Variants in CSMD1 observed in about 807,000 individuals in gnomAD.
The protein encoded by CSMD1 is CUB and Sushi multiple domains 1.
A neutral mutation model predicts 417.5 loss-of-function variants in CSMD1; 213 were observed. That is an observed-to-expected ratio of 0.51 (90% CI 0.46 to 0.57). CSMD1 has a LOEUF of 0.57. Among genes scored for constraint, CSMD1 ranks in the 20% least tolerant of loss-of-function variants. CSMD1 has a pLI of 0.00. For synonymous variants in CSMD1, 2,862 were observed against 1,736.8 expected, an observed-to-expected ratio of 1.65 and a Z score of -16.11; for missense variants, 6,923 against 4,529.7, an observed-to-expected ratio of 1.53 and a Z score of -15.17.
chr8:4,479,061 T>C (rs1484269658), intron 2 of CSMD1, among the ~76,000 whole-genome samples: 1 of 152,168 alleles, frequency 6.6e-6, no homozygotes. Flanking sequence ...CTCAATGCTA[T>C]TCAAATGTTT....
chr8:4,760,004 G>A (rs552986773), intron 1 of CSMD1, among the ~76,000 whole-genome samples: 2 of 152,146 alleles, frequency 1.3e-5, no homozygotes, highest in African/African-American at 4.8e-5. Flanking sequence ...TTCCACAATG[G>A]TTGAACTAAT....
chr8:3,168,760 A>AT (rs1490103594), intron 37 of CSMD1, among the ~76,000 whole-genome samples: 1 of 152,132 alleles, frequency 6.6e-6, no homozygotes, highest in Non-Finnish European at 1.5e-5. Flanking sequence ...AGGTAAAAAG[A>AT]TTTTGTCTCA....
intron 1 of CSMD1, among the ~76,000 whole-genome samples, chr8:4,901,623 C>A (rs959608265): frequency 5.9e-5 from 9 of 152,178 alleles, no homozygotes; most frequent in South Asian, 2.1e-4. Flanking sequence ...CCCCATACTT[C>A]ATTTTTAATT....
chr8:4,275,335 T>C (rs375157109), intron 3 of CSMD1, among the ~76,000 whole-genome samples: 4 of 152,204 alleles, frequency 2.6e-5, no homozygotes, highest in East Asian at 3.8e-4. Context: ...TTCTGTGTTG[T>C]GTATTTGTTG....
intron 10 of CSMD1, among the ~76,000 whole-genome samples, chr8:3,520,039 T>TATATATATATATACACAC (rs545212684): frequency 6.8e-6 from 1 of 147,110 alleles, no homozygotes; most frequent in African/African-American, 2.6e-5. Context: ...TATATATATA[T>TATATATATATATACACAC]ACACGTATAG....
chr8:4,005,846 C>T (rs1816068559), intron 4 of CSMD1, among the ~76,000 whole-genome samples: 1 of 152,202 alleles, frequency 6.6e-6, no homozygotes, highest in South Asian at 2.1e-4. Flanking sequence ...TAAGCACTGT[C>T]TTTTAATTCC....
In CSMD1 at chr8:3,412,141, CAT is replaced by C. The variant is rs759623128; in HGVS notation, c.1562-2538_1562-2537del. ...ATACACACGTATATATACATATATA[CAT>C]ATATATACACACGTATATATACATA... On this transcript the variant is annotated intron_variant, in intron 12 of 69. Transcript: ENST00000635120. Among the ~76,000 whole-genome samples, 89 of 130,668 alleles carry C rather than the reference CAT, an allele frequency of 6.8e-4. 2 individuals carry two copies. The highest frequency in any genetic ancestry group is 1.3e-3 in the East Asian group (5 of 3,914). 85.7% of individuals were successfully genotyped at this position (130,668 alleles called of 152,430 possible).
chr8:3,920,058 G>A (rs757044544), intron 5 of CSMD1, among the ~76,000 whole-genome samples: 5 of 151,254 alleles, frequency 3.3e-5, no homozygotes, highest in Non-Finnish European at 5.9e-5. Flanking sequence ...CCCAAGACAA[G>A]ATCTCACTCC....
intron 2 of CSMD1, among the ~76,000 whole-genome samples, chr8:4,441,713 G>A (rs184863625): frequency 1.6e-4 from 25 of 152,092 alleles, no homozygotes; most frequent in African/African-American, 4.8e-4. Flanking sequence ...AACGTTTGAG[G>A]TACAGGAGAT....
chr8:4,352,169 A>G (rs1315214509), intron 3 of CSMD1, among the ~76,000 whole-genome samples: 1 of 152,174 alleles, frequency 6.6e-6, no homozygotes, highest in Non-Finnish European at 1.5e-5. Flanking sequence ...TATTAAGTCC[A>G]CTTAGGTTCT....
chr8:3,287,139 T>C (rs199864841), intron 25 of CSMD1, among the ~76,000 whole-genome samples: 10 of 150,384 alleles, frequency 6.6e-5, no homozygotes, highest in Admixed American at 6.1e-4. Flanking sequence ...GTTGTAGATA[T>C]GCAGCATTAT....
intron 1 of CSMD1, among the ~76,000 whole-genome samples, chr8:4,847,764 C>T (rs993584033): frequency 1.3e-5 from 2 of 149,226 alleles, no homozygotes; most frequent in East Asian, 1.9e-4. Flanking sequence ...CTATAGAATT[C>T]CTCTCTATCG....
At chr8:2,982,759 T>C (rs1181161138) in intron 54 of CSMD1, among the ~76,000 whole-genome samples, 1 of 152,216 alleles carries the variant, frequency 6.6e-6, no homozygotes, top group Non-Finnish European at 1.5e-5. Flanking sequence ...CTCGCTTCTT[T>C]CCAGAACCCA....
intron 2 of CSMD1, among the ~76,000 whole-genome samples, chr8:4,436,225 T>C (rs752571135): frequency 3.3e-5 from 5 of 152,324 alleles, no homozygotes; most frequent in Middle Eastern, 3.4e-3. Flanking sequence ...TATTAACTTA[T>C]TGTAGGACAA....
chr8:3,584,225 G>A (rs1025776650), intron 9 of CSMD1, among the ~76,000 whole-genome samples: 1 of 152,128 alleles, frequency 6.6e-6, no homozygotes, highest in Admixed American at 6.5e-5. Flanking sequence ...TCATCAGTAA[G>A]AACAGAAGAT....
At chr8:3,059,036 T>TC (rs1812414671) in intron 49 of CSMD1, among the ~76,000 whole-genome samples, 1 of 151,936 alleles carries the variant, frequency 6.6e-6, no homozygotes, top group African/African-American at 2.4e-5. Context: ...GATTTTTTTT[T>TC]CCGCTAACCC....
intron 3 of CSMD1, among the ~76,000 whole-genome samples, chr8:4,251,134 A>G (rs1329568142): frequency 6.6e-6 from 1 of 152,190 alleles, no homozygotes; most frequent in Non-Finnish European, 1.5e-5. Flanking sequence ...ATTTTTTTAA[A>G]AGAGAAAAGT....
At chr8:4,549,282 C>T (rs1487146221) in intron 2 of CSMD1, among the ~76,000 whole-genome samples, 1 of 152,032 alleles carries the variant, frequency 6.6e-6, no homozygotes, top group East Asian at 1.9e-4. Flanking sequence ...AGACCAAACA[C>T]CCAGGTGACT....
At chr8:3,331,763 G>A (rs1806910512) in intron 23 of CSMD1, among the ~76,000 whole-genome samples, 1 of 152,164 alleles carries the variant, frequency 6.6e-6, no homozygotes, top group Non-Finnish European at 1.5e-5. Context: ...AGGGCTTCAT[G>A]CCAGATCTTT....
Sources: gnomAD v4.1 joint callset for allele counts (sites outside exome capture counted in the v4.1 genomes callset) on GRCh38, gnomAD v4.1.1 for gene constraint, MANE v1.5 for transcripts, NCBI Gene and HGNC (gene_info 2026-07-23, HGNC 2026-07-21) for gene names.